Variants in CDK5RAP2 observed in about 807,000 individuals in gnomAD.
CDK5RAP2 encodes CDK5 regulatory subunit associated protein 2.
A neutral mutation model predicts 232.9 loss-of-function variants in CDK5RAP2; 147 were observed. The observed-to-expected ratio is 0.63, with a 90% CI of 0.55 to 0.72. CDK5RAP2 has a LOEUF of 0.72. Ranked by LOEUF, CDK5RAP2 falls within the 30% of genes least tolerant of loss-of-function variation. CDK5RAP2 has a pLI of 0.00. For missense variants in CDK5RAP2, 2,195 were observed against 2,231.5 expected (o/e 0.98, Z 0.33); for synonymous variants, 833 against 833.7 (o/e 1.00, Z 0.01).
intron 27 of CDK5RAP2, among the ~76,000 whole-genome samples, 154 bp from the exon 28 acceptor site, chr9:120,415,313 G>C (rs939905453): frequency 6.6e-6 from 1 of 152,170 alleles, no homozygotes; most frequent in South Asian, 2.1e-4. Context: ...GGGAGGGTGA[G>C]CTATTTCCCA....
chr9:120,423,665 G>T (rs1020043076), intron 25 of CDK5RAP2, among the ~76,000 whole-genome samples: 2 of 152,184 alleles, frequency 1.3e-5, no homozygotes, highest in African/African-American at 4.8e-5. Context: ...TGCAGGCTGG[G>T]ATGAGCTCTT....
chr9:120,518,600 A>G lies in CDK5RAP2; in HGVS notation c.1138T>C (p.Ser380Pro). The part of the protein sequence containing the change: ...ETALSGKEAL[S>P]AALRSQNLTK... ...AGGTTTTGTGAGCGCAGCGCAGCCG[A>G]AAGGGCTTCCTTTCCTGATAGAGCA... Residue 380 changes from serine to proline, a missense_variant, in exon 12 of 38, where the codon TCG becomes CCG. Ser to Pro is a moderately conservative substitution (Grantham distance 74). Transcript: ENST00000349780. The G allele has an allele frequency of 6.2e-7, 1 of 1,613,752 alleles. No homozygotes were observed. Among genetic ancestry groups the G allele is most frequent in the Non-Finnish European group, 8.5e-7 (1 of 1,179,972 alleles).
intron 18 of CDK5RAP2, among the ~76,000 whole-genome samples, chr9:120,463,641 A>G (rs1180904563): frequency 6.6e-6 from 1 of 152,218 alleles, no homozygotes; most frequent in African/African-American, 2.4e-5. Context: ...CTGAGCAAAG[A>G]AAGTATTGTT....
Position 120,467,865 on chromosome 9 carries a change from T to A in CDK5RAP2, c.2101A>T (p.Thr701Ser). 6.2e-7 allele frequency: 1 copy of A among 1,614,146 alleles called. No homozygotes were observed. The highest frequency in any genetic ancestry group is 8.5e-7 in the Non-Finnish European group (1 of 1,180,002). ...FPDRLASTEQ[T>S]ELLASKEDED... ...ACAACAAAAATGTTTCTTACCTCTG[T>A]TTGTTCTGTAGACGCAAGTCTATCT... Residue 701 changes from threonine to serine, a missense_variant, in exon 18 of 38, where the codon ACA becomes TCA. Coordinates refer to ENST00000349780, the MANE Select transcript of CDK5RAP2 (RefSeq NM_018249.6).
rs560760413 is a variant in CDK5RAP2, at chr9:120,561,352, A to T, written c.195+6969T>A. 7.9e-5 allele frequency among the ~76,000 whole-genome samples: 12 copies of T among 152,266 alleles called. No individual in the cohort carries two copies. In the East Asian group the frequency reaches 2.1e-3, roughly 27 times the overall value. On this transcript the variant is annotated intron_variant, in intron 3 of 37. Coordinates refer to ENST00000349780, the MANE Select transcript of CDK5RAP2 (RefSeq NM_018249.6). Reference sequence around the variant, plus strand: ...CTCTCTGTCGCTCAGGCTAGAGTGCAGTGGCGCATTCATGGCTCACTGCAG... The same window carrying T: ...CTCTCTGTCGCTCAGGCTAGAGTGCTGTGGCGCATTCATGGCTCACTGCAG...
At chr9:120,540,784 G>A (rs550107560) in intron 5 of CDK5RAP2, among the ~76,000 whole-genome samples, 11 of 152,224 alleles carry the variant, frequency 7.2e-5, no homozygotes, top group East Asian at 1.9e-4. Flanking sequence ...CACACACGTC[G>A]GCCTGTTCCT....
chr9:120,565,167 G>A (rs930650283), intron 3 of CDK5RAP2, among the ~76,000 whole-genome samples: 1 of 152,200 alleles, frequency 6.6e-6, no homozygotes, highest in Non-Finnish European at 1.5e-5. Context: ...TGGGTTCAAA[G>A]CTGAATAAGT....
intron 34 of CDK5RAP2, among the ~76,000 whole-genome samples, chr9:120,402,383 T>C (rs1173763437): frequency 6.6e-6 from 1 of 152,158 alleles, no homozygotes; most frequent in Non-Finnish European, 1.5e-5. Flanking sequence ...GATAGAATTG[T>C]TTTGCAAAGT....
At chr9:120,428,020 G>A (rs911533679) in intron 25 of CDK5RAP2, among the ~76,000 whole-genome samples, 10 of 152,078 alleles carry the variant, frequency 6.6e-5, no homozygotes, top group Admixed American at 1.3e-4. Flanking sequence ...GGTACATAAC[G>A]AAATGAAGGC....
intron 13 of CDK5RAP2, 107 bp from the exon 14 acceptor site, chr9:120,487,544 C>T: frequency 1.3e-6 from 1 of 788,778 alleles, no homozygotes; most frequent in South Asian, 1.9e-5. Flanking sequence ...CATAATACTC[C>T]TATATCCCCT....
intron 12 of CDK5RAP2, among the ~76,000 whole-genome samples, chr9:120,516,733 G>A (rs1345336832): frequency 2.6e-5 from 4 of 152,080 alleles, no homozygotes; most frequent in Non-Finnish European, 4.4e-5. Context: ...GGAGGGTGAG[G>A]CAGTAGGATC....
At chr9:120,408,168 T>A in intron 31 of CDK5RAP2, 179 bp downstream of exon 31, 1 of 765,834 alleles carries the variant, frequency 1.3e-6, no homozygotes, top group Admixed American at 1.9e-5. Flanking sequence ...TCCTTCTATG[T>A]TTCCTGCTGT....
chr9:120,568,600 A>C (rs554318704), intron 2 of CDK5RAP2, among the ~76,000 whole-genome samples: 1 of 152,312 alleles, frequency 6.6e-6, no homozygotes, highest in African/African-American at 2.4e-5. Flanking sequence ...CAAAGTAACA[A>C]TGTGCACATC....
At chr9:120,449,253 T>G (rs1349632558) in intron 21 of CDK5RAP2, among the ~76,000 whole-genome samples, 2 of 152,188 alleles carry the variant, frequency 1.3e-5, no homozygotes, top group Non-Finnish European at 2.9e-5. Flanking sequence ...TAACTCTAAA[T>G]AGCATTCATT....
In CDK5RAP2 at chr9:120,545,710, T is replaced by C; in HGVS notation, c.383+4A>G. On this transcript the variant is annotated splice_donor_region_variant and intron_variant, in intron 5 of 37. Transcript: ENST00000349780. ...GCAAGCTTTCAACGGATGATGGTAC[T>C]CACGAGGCTTTGATGAGCAGCTGCT... is the stretch of plus-strand genomic sequence containing the variant. 6.2e-7 allele frequency: 1 copy of C among 1,611,702 alleles called. No individual in the cohort carries two copies. The highest frequency in any genetic ancestry group is 8.5e-7 in the Non-Finnish European group (1 of 1,177,816).
intron 10 of CDK5RAP2, among the ~76,000 whole-genome samples, chr9:120,526,908 A>G (rs2040923623): frequency 6.6e-6 from 1 of 151,870 alleles, no homozygotes; most frequent in South Asian, 2.1e-4. Context: ...CTTCCTTCCC[A>G]ACTAACTCCT....
intron 7 of CDK5RAP2, among the ~76,000 whole-genome samples, chr9:120,533,190 C>G (rs147340863): frequency 3.9e-4 from 60 of 152,228 alleles, no homozygotes; most frequent in African/African-American, 1.3e-3. Context: ...TTTTTTTTAA[C>G]ATCTATCCCC....
rs756336688 is a variant in CDK5RAP2, at chr9:120,460,665, AAGCTACATGGAGCATGG to A, written c.2107-15_2108del. The A allele has an allele frequency of 6.2e-7, 1 of 1,614,088 alleles. No individual in the cohort carries two copies. On this transcript the variant is annotated splice_acceptor_variant and splice_polypyrimidine_tract_variant and coding_sequence_variant and intron_variant, in exon 19 of 38. Coordinates refer to ENST00000349780, the MANE Select transcript of CDK5RAP2 (RefSeq NM_018249.6). LOFTEE classifies it high-confidence loss of function. The stretch of plus-strand genomic sequence containing the variant: ...TGTCCTCGTCCTCCTTGCTAGCCAG[AAGCTACATGGAGCATGG>A]AATGGTGTGAAAATGCAACCCAAAA...
intron 12 of CDK5RAP2, among the ~76,000 whole-genome samples, chr9:120,492,033 C>A (rs1376009593): frequency 2.0e-5 from 3 of 151,584 alleles, no homozygotes; most frequent in Non-Finnish European, 4.4e-5. Flanking sequence ...GTCTTAATAC[C>A]ATTTACAAAG....
Sources: gnomAD v4.1 joint callset for allele counts (sites outside exome capture counted in the v4.1 genomes callset) on GRCh38, gnomAD v4.1.1 for gene constraint, MANE v1.5 for transcripts, NCBI Gene and HGNC (gene_info 2026-07-23, HGNC 2026-07-21) for gene names.